Variants in SNX30 observed in about 807,000 individuals in gnomAD.
The protein encoded by SNX30 is sorting nexin-30.
SNX30 carries 24 observed loss-of-function variants against 46.4 expected under a neutral mutation model. The ratio of observed to expected loss-of-function variants is 0.52; its 90% CI spans 0.37 to 0.73. SNX30 has a LOEUF of 0.73. Ranked by LOEUF, SNX30 falls within the 30% of genes least tolerant of loss-of-function variation. The probability of loss-of-function intolerance (pLI) is 0.00; values close to 1 mark genes in which losing one functional copy is unlikely to be tolerated. For synonymous variants in SNX30, 189 were observed against 211.5 expected, an observed-to-expected ratio of 0.89 and a Z score of 0.92; for missense variants, 533 against 555.7, an observed-to-expected ratio of 0.96 and a Z score of 0.41.
At chr9:112,768,537 T>C (rs1839583014) in intron 1 of SNX30, among the ~76,000 whole-genome samples, 2 of 151,864 alleles carry the variant, frequency 1.3e-5, no homozygotes, top group African/African-American at 4.8e-5. Flanking sequence ...CAAAGATCTC[T>C]TAGACAATAC....
intron 7 of SNX30, among the ~76,000 whole-genome samples, chr9:112,856,223 G>A (rs532966238): frequency 6.6e-6 from 1 of 152,022 alleles, no homozygotes; most frequent in African/African-American, 2.4e-5. Flanking sequence ...GTGGGTGCCA[G>A]ATGAAGAAGT....
chr9:112,883,557 A>G (rs1224985124), downstream of SNX30, among the ~76,000 whole-genome samples: 3 of 152,058 alleles, frequency 2.0e-5, no homozygotes, highest in African/African-American at 7.2e-5. Context: ...CCTGGCACAT[A>G]GGGCTGTTTA....
chr9:112,856,365 CGTGGCATGTAGGGAGGGCGT>C (rs1687938990), intron 7 of SNX30, among the ~76,000 whole-genome samples: 1 of 113,948 alleles, frequency 8.8e-6, no homozygotes, highest in Non-Finnish European at 1.8e-5. Flanking sequence ...GGGGAGGGCA[CGTGGCATGTAGGGAGGGCGT>C]GTGGCGTGTA....
intron 8 of SNX30, among the ~76,000 whole-genome samples, chr9:112,866,008 GTCTT>G (rs1236311399): frequency 6.6e-6 from 1 of 152,038 alleles, no homozygotes; most frequent in African/African-American, 2.4e-5. Context: ...CCCAACCCTG[GTCTT>G]AAGTACGTGT....
At chr9:112,852,064 A>G (rs1208605963) in intron 7 of SNX30, among the ~76,000 whole-genome samples, 2 of 152,328 alleles carry the variant, frequency 1.3e-5, no homozygotes, top group East Asian at 1.9e-4. Context: ...AGATGGCACC[A>G]TGTTCCAGAA....
rs1353412154 is a variant in SNX30 at position 112,751,067 on chromosome 9, C to A, written c.66C>A (p.His22Gln). 1.3e-6 allele frequency: 2 copies of A among 1,499,224 alleles called. No homozygotes were observed. Among genetic ancestry groups the A allele is most frequent in the South Asian group, 1.2e-5 (1 of 80,020 alleles). The allele number at this position is 1,499,224 out of a possible 1,614,324, so 92.9% of individuals were successfully genotyped here. Residue 22 changes from histidine (H) to glutamine (Q), a missense_variant, in exon 1 of 9, where the codon CAC becomes CAA. His to Gln is a conservative substitution (Grantham distance 24). Coordinates refer to ENST00000374232, the MANE Select transcript of SNX30 (RefSeq NM_001012994.2). ...TGPHSLRDMP[H>Q]PLAGSSSEEA... ...CCCACTCCCTGCGCGACATGCCGCA[C>A]CCGCTGGCCGGCTCCAGCAGCGAGG...
chr9:112,809,214 G>C (rs1392231612), intron 2 of SNX30, among the ~76,000 whole-genome samples: 1 of 152,104 alleles, frequency 6.6e-6, no homozygotes, highest in Non-Finnish European at 1.5e-5. Context: ...AGCATCCTGA[G>C]TAGCTGGGAT....
At chr9:112,859,261 C>T (rs1360481934) in intron 7 of SNX30, among the ~76,000 whole-genome samples, 1 of 152,116 alleles carries the variant, frequency 6.6e-6, no homozygotes, top group East Asian at 1.9e-4. Flanking sequence ...AATTCCCTTC[C>T]TTTTTGAGGC....
chr9:112,840,595 C>T (rs1197227015), intron 6 of SNX30, among the ~76,000 whole-genome samples: 2 of 151,932 alleles, frequency 1.3e-5, no homozygotes, highest in East Asian at 1.9e-4. Flanking sequence ...AAGTGATTCT[C>T]GTGCCTCAGC....
chr9:112,781,878 G>T (rs984605875), intron 1 of SNX30, among the ~76,000 whole-genome samples: 5 of 151,808 alleles, frequency 3.3e-5, no homozygotes, highest in African/African-American at 1.2e-4. Flanking sequence ...CTGAAATCAG[G>T]TGATCCACCC....
At chr9:112,753,684 A>G (rs1280438061) in intron 1 of SNX30, among the ~76,000 whole-genome samples, 1 of 152,206 alleles carries the variant, frequency 6.6e-6, no homozygotes, top group African/African-American at 2.4e-5. Context: ...TGCCTGGCCT[A>G]ATTATTGAAT....
In SNX30 at chr9:112,870,915, A is replaced by G. The variant is rs1013994773; in HGVS notation, c.*2072A>G. The G allele has an allele frequency of 2.0e-5, 3 of 152,374 alleles. No homozygotes were observed. The highest frequency in any genetic ancestry group is 4.4e-5 in the Non-Finnish European group (3 of 68,040). 9.4% of individuals were successfully genotyped at this position (152,374 alleles called of 1,614,324 possible). On this transcript the variant is annotated 3_prime_UTR_variant, in exon 9 of 9. Coordinates refer to ENST00000374232, the MANE Select transcript of SNX30 (RefSeq NM_001012994.2). Reference sequence around the variant, plus strand: ...TGGAAAAAACTGGAGTTACAGGAAAATGAAATCTGACTATCTGCTAGTTGC... The same window carrying G: ...TGGAAAAAACTGGAGTTACAGGAAAGTGAAATCTGACTATCTGCTAGTTGC...
intron 3 of SNX30, among the ~76,000 whole-genome samples, chr9:112,823,997 G>A (rs1840543842): frequency 6.6e-6 from 1 of 152,106 alleles, no homozygotes; most frequent in South Asian, 2.1e-4. Context: ...GTTCGACAAG[G>A]GTAGGAGAAA....
At chr9:112,815,546 A>C (rs1041182760) in intron 2 of SNX30, among the ~76,000 whole-genome samples, 4 of 152,100 alleles carry the variant, frequency 2.6e-5, no homozygotes, top group African/African-American at 9.7e-5. Context: ...TTTTTAATAG[A>C]GACAGGGTTT....
chr9:112,753,395 A>AT (rs1452650981), intron 1 of SNX30, among the ~76,000 whole-genome samples: 1 of 151,978 alleles, frequency 6.6e-6, no homozygotes, highest in African/African-American at 2.4e-5. Flanking sequence ...ATATATATGT[A>AT]TTTTTTTGAG....
Position 112,817,580 on chromosome 9 carries a change from G to C in SNX30, c.349-125G>C. On this transcript the variant is annotated intron_variant, in intron 2 of 8. Transcript: ENST00000374232. ...TGTTGGTAAACTCTGCCATTTGGCT[G>C]TTGTGTTTGGTGGAAGGAAAATATG... 3 of 634,008 alleles carry C rather than the reference G, an allele frequency of 4.7e-6. 1 individual carries two copies. In the South Asian group the frequency reaches 5.6e-5, roughly 12 times the overall value. The allele number at this position is 634,008 out of a possible 1,614,324, so 39.3% of individuals were successfully genotyped here.
intron 1 of SNX30, among the ~76,000 whole-genome samples, chr9:112,784,445 T>C (rs1425830625): frequency 6.6e-6 from 1 of 152,234 alleles, no homozygotes; most frequent in African/African-American, 2.4e-5. Flanking sequence ...TAATCCACTT[T>C]CCAGGCCTTA....
chr9:112,879,627 T>C (rs1841553192), downstream of SNX30: 1 of 758,184 alleles, frequency 1.3e-6, no homozygotes, highest in African/African-American at 1.7e-5. Context: ...AGCAGGTCAT[T>C]CTGAGGCCAA....
chr9:112,857,166 C>T (rs1033861564), intron 7 of SNX30, among the ~76,000 whole-genome samples: 3 of 152,182 alleles, frequency 2.0e-5, no homozygotes, highest in African/African-American at 7.2e-5. Context: ...CAGGCAAGCT[C>T]GAGGATCTCT....
Sources: gnomAD v4.1 joint callset for allele counts (sites outside exome capture counted in the v4.1 genomes callset) on GRCh38, gnomAD v4.1.1 for gene constraint, MANE v1.5 for transcripts, NCBI Gene and HGNC (gene_info 2026-07-23, HGNC 2026-07-21) for gene names.